PDLIM1: variants seen among roughly 807,000 people sequenced by gnomAD.
PDLIM1 encodes PDZ and LIM domain protein 1.
In PDLIM1, 25 loss-of-function variants were observed where a neutral mutation model predicts 35.2. The ratio of observed to expected loss-of-function variants is 0.71; its 90% CI spans 0.52 to 0.99. The LOEUF is 0.99. PDLIM1 is among the 50% of genes least tolerant of loss of function. The probability of loss-of-function intolerance (pLI) is 0.00; values close to 1 mark genes in which losing one functional copy is unlikely to be tolerated. For synonymous variants in PDLIM1, 152 were observed against 154.0 expected (o/e 0.99, Z 0.10); for missense variants, 363 against 415.3 (o/e 0.87, Z 1.09).
In PDLIM1 at chr10:95,260,814, G is replaced by A. The variant is rs572666473; in HGVS notation, c.533+3050C>T. ...CACAGACTAAACAGTGGGAGGGAGCGAGCACTTGGGACTTGTGCTGACTGA... is the reference window on the plus strand; with the variant it reads ...CACAGACTAAACAGTGGGAGGGAGCAAGCACTTGGGACTTGTGCTGACTGA... On this transcript the variant is annotated intron_variant, in intron 4 of 6. Coordinates refer to ENST00000329399, the MANE Select transcript of PDLIM1 (RefSeq NM_020992.4). 1.4e-3 allele frequency among the ~76,000 whole-genome samples: 208 copies of A among 152,176 alleles called. 1 individual carries two copies. The highest frequency in any genetic ancestry group is 2.3e-3 in the Non-Finnish European group (159 of 68,022).
chr10:95,269,762 CG>C (rs2035446897), intron 2 of PDLIM1, among the ~76,000 whole-genome samples: 1 of 151,992 alleles, frequency 6.6e-6, no homozygotes, highest in Admixed American at 6.6e-5. Context: ...GACAGAGTCT[CG>C]CTCTGTCGCC....
chr10:95,267,558 T>C (rs905544198), intron 3 of PDLIM1, among the ~76,000 whole-genome samples: 1 of 152,174 alleles, frequency 6.6e-6, no homozygotes, highest in African/African-American at 2.4e-5. Context: ...TGATGCAAAA[T>C]GATCCTTAAA....
chr10:95,288,793 A>C (rs746720114), intron 1 of PDLIM1, among the ~76,000 whole-genome samples: 15 of 152,300 alleles, frequency 9.8e-5, no homozygotes, highest in Non-Finnish European at 2.1e-4. Context: ...AGTCACTTCC[A>C]CTTTTCAATT....
intron 1 of PDLIM1, among the ~76,000 whole-genome samples, chr10:95,277,550 G>A (rs2035522712): frequency 1.3e-5 from 2 of 152,130 alleles, no homozygotes; most frequent in African/African-American, 4.8e-5. Context: ...GGCTGAGACA[G>A]GAGAATTGCT....
chr10:95,245,824 A>G (rs1226522297), intron 5 of PDLIM1, among the ~76,000 whole-genome samples: 3 of 152,166 alleles, frequency 2.0e-5, no homozygotes, highest in Non-Finnish European at 4.4e-5. Context: ...AAATCACACA[A>G]ATGGGGAGGA....
intron 2 of PDLIM1, among the ~76,000 whole-genome samples, chr10:95,270,682 T>C (rs189458471): frequency 1.6e-4 from 24 of 152,296 alleles, no homozygotes; most frequent in Non-Finnish European, 2.6e-4. Flanking sequence ...TGTTCAAGTT[T>C]TTCTCTGTTA....
chr10:95,271,497 C>G, intron 2 of PDLIM1, 136 bp downstream of exon 2: 1 of 588,654 alleles, frequency 1.7e-6, no homozygotes, highest in Non-Finnish European at 2.8e-6. Context: ...ATTCCACAGA[C>G]CTTTTGGCAT....
chr10:95,286,254 G>A (rs772564848), intron 1 of PDLIM1, among the ~76,000 whole-genome samples: 9 of 152,122 alleles, frequency 5.9e-5, no homozygotes, highest in Non-Finnish European at 1.0e-4. Context: ...CTACTCAGGA[G>A]GCTGAGGCAC....
At chr10:95,250,809 C>T (rs1380970233) in intron 4 of PDLIM1, among the ~76,000 whole-genome samples, 1 of 152,190 alleles carries the variant, frequency 6.6e-6, no homozygotes, top group Admixed American at 6.5e-5. Flanking sequence ...CACAAAGTTT[C>T]CTAGTTCTTG....
At chr10:95,265,941 G>A (rs2035413351) in intron 3 of PDLIM1, among the ~76,000 whole-genome samples, 1 of 151,094 alleles carries the variant, frequency 6.6e-6, no homozygotes, top group Non-Finnish European at 1.5e-5. Context: ...GCTCATTCCT[G>A]TAATCGCAGC....
At chr10:95,289,434 G>C (rs1298742593) in intron 1 of PDLIM1, among the ~76,000 whole-genome samples, 1 of 152,186 alleles carries the variant, frequency 6.6e-6, no homozygotes, top group African/African-American at 2.4e-5. Context: ...GTCTCTGTGG[G>C]ACGAGGCAAA....
At chr10:95,271,249 C>G (rs1471519634) in intron 2 of PDLIM1, among the ~76,000 whole-genome samples, 2 of 151,148 alleles carry the variant, frequency 1.3e-5, no homozygotes, top group African/African-American at 4.9e-5. Flanking sequence ...CCAGCCTGGC[C>G]AACATGGTGA....
intron 1 of PDLIM1, among the ~76,000 whole-genome samples, chr10:95,272,503 C>A (rs1034200805): frequency 1.1e-4 from 16 of 152,072 alleles, no homozygotes; most frequent in Non-Finnish European, 2.2e-4. Flanking sequence ...CATGGTGAAA[C>A]CCTGTCTCTA....
At chr10:95,246,086 A>G (rs547974111) in intron 5 of PDLIM1, among the ~76,000 whole-genome samples, 1 of 152,296 alleles carries the variant, frequency 6.6e-6, no homozygotes, top group East Asian at 1.9e-4. Context: ...GAGGGCATAG[A>G]AAACAAGACC....
chr10:95,247,369 G>A lies in PDLIM1; in HGVS notation c.534-3C>T, dbSNP rs761057138. On this transcript the variant is annotated splice_polypyrimidine_tract_variant and splice_region_variant and intron_variant, in intron 4 of 6. Transcript: ENST00000329399. ...TTGGAGGCTGAGCATGGTCTAAGCT[G>A]TAAAGAATGTTTGAAAAATTGATTA... The A allele has an allele frequency of 1.9e-6, 3 of 1,600,758 alleles. No homozygotes were observed. The highest frequency in any genetic ancestry group is 2.6e-6 in the Non-Finnish European group (3 of 1,173,638).
chr10:95,239,892 G>T (rs1285313574), intron 5 of PDLIM1, among the ~76,000 whole-genome samples: 2 of 152,138 alleles, frequency 1.3e-5, no homozygotes, highest in Non-Finnish European at 2.9e-5. Context: ...ATGAAAAAAA[G>T]CTCGACATCA....
At position 95,290,535 on chromosome 10, in the gene PDLIM1, C is replaced by CCCT. The variant is rs1249426931; in HGVS notation, c.96+284_96+285insAGG. Among the ~76,000 whole-genome samples the CCCT allele has an allele frequency of 6.6e-6, 1 of 152,210 alleles. No homozygotes were observed. Among genetic ancestry groups the CCCT allele is most frequent in the African/African-American group, 2.4e-5 (1 of 41,468 alleles). Reference sequence around the variant, plus strand: ...CGCTGGTTGACAAAGAACTAACACCCGCCCCGCCGCGCTTCCGGGGCCAAA... The same window carrying CCCT: ...CGCTGGTTGACAAAGAACTAACACCCCCTGCCCCGCCGCGCTTCCGGGGCCAAA... On this transcript the variant is annotated intron_variant, in intron 1 of 6. Coordinates refer to ENST00000329399, the MANE Select transcript of PDLIM1 (RefSeq NM_020992.4). This position sits in a 1 kb window ranked among gnomAD's most constrained non-coding sequence, Gnocchi z 4.7.
chr10:95,269,445 G>A (rs997324602), intron 2 of PDLIM1, among the ~76,000 whole-genome samples: 2 of 151,836 alleles, frequency 1.3e-5, no homozygotes, highest in Non-Finnish European at 2.9e-5. Flanking sequence ...GGTGGCATAC[G>A]CCTATAATCC....
intron 5 of PDLIM1, among the ~76,000 whole-genome samples, chr10:95,241,130 G>A (rs1251321499): frequency 2.0e-5 from 3 of 152,162 alleles, no homozygotes; most frequent in East Asian, 1.9e-4. Flanking sequence ...GGGCAATCGC[G>A]GGGCTGACAG....
Sources: allele counts gnomAD v4.1 joint callset (sites outside exome capture counted in the v4.1 genomes callset), GRCh38; gene constraint gnomAD v4.1.1; non-coding constraint Gnocchi (gnomAD v3.1); transcripts MANE v1.5; gene names NCBI Gene and HGNC (gene_info 2026-07-23, HGNC 2026-07-21).